Variants in NOL10 observed in about 807,000 individuals in gnomAD.
The protein encoded by NOL10 is nucleolar protein 10, also known as H_NH0074G24.1.
A neutral mutation model predicts 103.5 loss-of-function variants in NOL10; 58 were observed. That is an observed-to-expected ratio of 0.56 (90% CI 0.45 to 0.70). The LOEUF (loss-of-function observed/expected upper bound fraction) is 0.70. Among genes scored for constraint, NOL10 ranks in the 30% least tolerant of loss-of-function variants. NOL10 has a pLI of 0.00. For synonymous variants in NOL10, 287 were observed against 282.5 expected (o/e 1.02, Z -0.16); for missense variants, 763 against 807.3 (o/e 0.95, Z 0.67).
At position 10,689,589 on chromosome 2, in the gene NOL10, C is replaced by T. The variant is rs916672978; in HGVS notation, c.66+207G>A. On this transcript the variant is annotated intron_variant, in intron 1 of 20. Coordinates refer to ENST00000381685, the MANE Select transcript of NOL10 (RefSeq NM_024894.4). ...CACTGACCCTGATTATCCCTTGGTC[C>T]AGTTTCTGGCGCGGTGACGGCAGTG... is the stretch of plus-strand genomic sequence containing the variant. Among the ~76,000 whole-genome samples, 9 of 152,314 alleles carry T rather than the reference C, an allele frequency of 5.9e-5. No individual in the cohort carries two copies. In the East Asian group the frequency reaches 1.7e-3, roughly 29 times the overall value.
intron 8 of NOL10, among the ~76,000 whole-genome samples, chr2:10,666,665 T>C (rs1680584381): frequency 6.7e-6 from 1 of 150,098 alleles, no homozygotes; most frequent in South Asian, 2.1e-4. Context: ...TAAGTAATTA[T>C]AAGTACCAAT....
At chr2:10,635,217 C>T (rs1031691545) in intron 13 of NOL10, among the ~76,000 whole-genome samples, 21 of 152,112 alleles carry the variant, frequency 1.4e-4, no homozygotes, top group African/African-American at 4.3e-4. Flanking sequence ...GGTTAAGTCT[C>T]ATGTTTGGAT....
chr2:10,642,386 G>A (rs1558314683), intron 13 of NOL10, among the ~76,000 whole-genome samples: 1 of 152,214 alleles, frequency 6.6e-6, no homozygotes, highest in Non-Finnish European at 1.5e-5. Flanking sequence ...GGCTGCCACA[G>A]CCTGTGCTTG....
chr2:10,574,662 A>AG (rs58373871), intron 20 of NOL10, among the ~76,000 whole-genome samples: 2 of 150,978 alleles, frequency 1.3e-5, no homozygotes, highest in Non-Finnish European at 3.0e-5. Flanking sequence ...AAAAAAAAAA[A>AG]GGGTTTCTTC....
At chr2:10,594,500 T>TC (rs1190202765) in intron 17 of NOL10, among the ~76,000 whole-genome samples, 13 of 152,146 alleles carry the variant, frequency 8.5e-5, no homozygotes, top group Admixed American at 1.3e-4. Context: ...AGAAGCAACT[T>TC]CTTCAGGAAG....
Position 10,671,640 on chromosome 2 carries a change from A to G in NOL10, c.378T>C (p.Gly126=). The G allele has an allele frequency of 1.3e-6, 2 of 1,587,618 alleles. No individual in the cohort carries two copies. Among genetic ancestry groups the G allele is most frequent in the Non-Finnish European group, 1.7e-6 (2 of 1,165,390 alleles). Residue 126 remains glycine (G), a synonymous_variant, in exon 6 of 21, where the codon GGT becomes GGC. Transcript: ENST00000381685. ...DRYIEFHSQS[G]FYYKTRIPKF... Reference sequence around the variant, plus strand: ...TTGGTATTCTGGTTTTGTAGTAAAAACCTGATTGCGAATGAAATTCAATGT... The same window carrying G: ...TTGGTATTCTGGTTTTGTAGTAAAAGCCTGATTGCGAATGAAATTCAATGT...
At chr2:10,688,731 A>G (rs1682393791) in intron 1 of NOL10, among the ~76,000 whole-genome samples, 1 of 152,222 alleles carries the variant, frequency 6.6e-6, no homozygotes, top group South Asian at 2.1e-4. Context: ...AATGTCCACT[A>G]TAGATCCCAA....
chr2:10,579,186 A>C (rs1210097020), intron 19 of NOL10, among the ~76,000 whole-genome samples: 1 of 152,206 alleles, frequency 6.6e-6, no homozygotes, highest in Non-Finnish European at 1.5e-5. Flanking sequence ...TCTTTATATA[A>C]TTTGAGACAT....
intron 13 of NOL10, among the ~76,000 whole-genome samples, chr2:10,636,298 A>G (rs546097195): frequency 1.3e-5 from 2 of 152,122 alleles, no homozygotes; most frequent in African/African-American, 4.8e-5. Flanking sequence ...GGCCGGGCAC[A>G]GTGGCTTACA....
At chr2:10,646,581 C>T (rs1169150014) in intron 12 of NOL10, among the ~76,000 whole-genome samples, 1 of 152,188 alleles carries the variant, frequency 6.6e-6, no homozygotes, top group African/African-American at 2.4e-5. Context: ...GTATGAGCAG[C>T]TTCTAACAGG....
At position 10,598,564 on chromosome 2, in the gene NOL10, CAAG is replaced by C. The variant is rs1027643305; in HGVS notation, c.1422+2286_1422+2288del. On this transcript the variant is annotated intron_variant, in intron 17 of 20. Transcript: ENST00000381685. ...AAACAAATGAGGAAAACAGCTGTGA[CAAG>C]AAGAAGAAAAGTGTCCCAGTGGAAG... Among the ~76,000 whole-genome samples the C allele has an allele frequency of 3.7e-4, 57 of 152,152 alleles. 2 individuals are homozygous for C. Among genetic ancestry groups the C allele is most frequent in the East Asian group, 1.9e-4 (1 of 5,184 alleles).
intron 13 of NOL10, among the ~76,000 whole-genome samples, chr2:10,640,955 C>T (rs544490743): frequency 1.3e-5 from 2 of 151,840 alleles, no homozygotes; most frequent in South Asian, 2.1e-4. Flanking sequence ...GAGGCTGAGG[C>T]GGTGGATCAC....
At chr2:10,664,088 C>T (rs1389648335) in intron 8 of NOL10, among the ~76,000 whole-genome samples, 1 of 151,288 alleles carries the variant, frequency 6.6e-6, no homozygotes. Flanking sequence ...CACTGCACTC[C>T]TGCCTAGGCA....
chr2:10,589,854 G>C, intron 17 of NOL10, 103 bp from the exon 18 acceptor site: 1 of 670,904 alleles, frequency 1.5e-6, no homozygotes, highest in Non-Finnish European at 2.3e-6. Flanking sequence ...GTTAATAAGC[G>C]GCATGAGGCA....
intron 3 of NOL10, among the ~76,000 whole-genome samples, chr2:10,676,481 T>C (rs1028628958): frequency 6.6e-6 from 1 of 152,140 alleles, no homozygotes; most frequent in African/African-American, 2.4e-5. Flanking sequence ...GCCCATAAAG[T>C]GGATGAGGCA....
At chr2:10,669,481 T>TAC (rs1224265658) in intron 6 of NOL10, among the ~76,000 whole-genome samples, 260 of 132,424 alleles carry the variant, frequency 2.0e-3, no homozygotes, top group African/African-American at 4.2e-3. Flanking sequence ...TATATATATA[T>TAC]ACACACACAC....
intron 17 of NOL10, among the ~76,000 whole-genome samples, chr2:10,594,628 T>C (rs146037542): frequency 1.0e-3 from 157 of 152,318 alleles, no homozygotes; most frequent in Admixed American, 7.3e-3. Context: ...GAGACAATTA[T>C]TAACTTCAAA....
In NOL10 at chr2:10,674,232, A is replaced by T. The variant is rs185477187; in HGVS notation, c.290-675T>A. ...GATCCTGTTTCTAAAAAGTAAAAAT[A>T]AAAAAAAAAACAACAAAGGGTGAAA... On this transcript the variant is annotated intron_variant, in intron 4 of 20. Coordinates refer to ENST00000381685, the MANE Select transcript of NOL10 (RefSeq NM_024894.4). 6.6e-3 allele frequency among the ~76,000 whole-genome samples: 963 copies of T among 145,720 alleles called. 15 individuals carry two copies. Among genetic ancestry groups the T allele is most frequent in the African/African-American group, 0.023 (902 of 39,530 alleles).
intron 9 of NOL10, among the ~76,000 whole-genome samples, chr2:10,661,331 TC>T (rs984563541): frequency 6.6e-6 from 1 of 152,140 alleles, no homozygotes; most frequent in African/African-American, 2.4e-5. Context: ...TGCCTCAGCC[TC>T]CCAAAGTGCT....
Sources: gnomAD v4.1 joint callset for allele counts (sites outside exome capture counted in the v4.1 genomes callset) on GRCh38, gnomAD v4.1.1 for gene constraint, MANE v1.5 for transcripts, NCBI Gene and HGNC (gene_info 2026-07-23, HGNC 2026-07-21) for gene names.